Variants in UMAD1 observed in about 807,000 individuals in gnomAD.
UMAD1 encodes UBAP1-MVB12-associated (UMA)-domain containing protein 1.
UMAD1 carries 8 observed loss-of-function variants against 6.1 expected under a neutral mutation model. That is an observed-to-expected ratio of 1.30 (90% CI 0.76 to 2.35). The LOEUF (loss-of-function observed/expected upper bound fraction) is 2.35, where lower values mean the gene tolerates loss of function less well. Among genes scored for constraint, UMAD1 ranks in the 30% most tolerant of loss-of-function variants. UMAD1 has a pLI of 0.00. For missense variants in UMAD1, 130 were observed against 78.4 expected (o/e 1.66, Z -2.49); for synonymous variants, 56 against 31.4 (o/e 1.78, Z -2.61).
intron 2 of UMAD1, among the ~76,000 whole-genome samples, chr7:7,710,435 G>C (rs1780726295): frequency 6.6e-6 from 1 of 152,140 alleles, no homozygotes; most frequent in East Asian, 1.9e-4. Flanking sequence ...TCACTGAAGA[G>C]GATATACATA....
At chr7:7,791,927 C>T (rs775172313) in intron 2 of UMAD1, among the ~76,000 whole-genome samples, 6 of 152,160 alleles carry the variant, frequency 3.9e-5, no homozygotes, top group Non-Finnish European at 5.9e-5. Context: ...TATATTTTAA[C>T]GTAGACTACC....
chr7:7,668,341 T>G (rs1779522111), intron 1 of UMAD1, among the ~76,000 whole-genome samples: 1 of 152,176 alleles, frequency 6.6e-6, no homozygotes, highest in Non-Finnish European at 1.5e-5. Flanking sequence ...TTTTACTGTT[T>G]CAGTTACTTA....
chr7:7,728,362 C>G (rs887843355), intron 2 of UMAD1, among the ~76,000 whole-genome samples: 2 of 152,114 alleles, frequency 1.3e-5, no homozygotes, highest in Admixed American at 6.5e-5. Context: ...AAACCTATCT[C>G]AGGCCGGGCA....
intron 2 of UMAD1, among the ~76,000 whole-genome samples, chr7:7,768,298 C>G (rs1307559906): frequency 2.0e-5 from 3 of 152,108 alleles, no homozygotes; most frequent in Non-Finnish European, 4.4e-5. Context: ...AGAGAACAAG[C>G]ATAATTTTGC....
chr7:7,845,804 G>A (rs1583868121), intron 3 of UMAD1, among the ~76,000 whole-genome samples: 1 of 151,994 alleles, frequency 6.6e-6, no homozygotes, highest in Non-Finnish European at 1.5e-5. Context: ...TTGCACACTT[G>A]TAATACAAAT....
intron 2 of UMAD1, among the ~76,000 whole-genome samples, chr7:7,695,542 T>C (rs945542888): frequency 2.0e-5 from 3 of 152,200 alleles, no homozygotes; most frequent in Non-Finnish European, 2.9e-5. Flanking sequence ...ATGTTTAGTC[T>C]CAGAGCAAGA....
At chr7:7,674,368 T>G (rs186781769) in intron 2 of UMAD1, among the ~76,000 whole-genome samples, 148 of 152,350 alleles carry the variant, frequency 9.7e-4, no homozygotes, top group African/African-American at 3.6e-3. Flanking sequence ...AAGGGATGTT[T>G]CCCTTAGATT....
intron 3 of UMAD1, among the ~76,000 whole-genome samples, chr7:7,816,265 G>A (rs1233852936): frequency 4.6e-5 from 7 of 152,190 alleles, no homozygotes; most frequent in Admixed American, 2.6e-4. Flanking sequence ...GCTTTGCATC[G>A]TGTTGTTTTC....
chr7:7,645,980 G>C (rs1002272147), intron 1 of UMAD1, among the ~76,000 whole-genome samples: 1 of 152,238 alleles, frequency 6.6e-6, no homozygotes, highest in Middle Eastern at 3.4e-3. Flanking sequence ...CTCGGCTGCC[G>C]TGTACTCAAA....
At chr7:7,722,832 G>A (rs1397393833) in intron 2 of UMAD1, among the ~76,000 whole-genome samples, 1 of 152,190 alleles carries the variant, frequency 6.6e-6, no homozygotes, top group East Asian at 1.9e-4. Flanking sequence ...ATGGGACCCT[G>A]CAACTTGGAA....
chr7:7,770,282 A>G (rs1370784830), intron 2 of UMAD1, among the ~76,000 whole-genome samples: 4 of 152,154 alleles, frequency 2.6e-5, no homozygotes, highest in East Asian at 1.9e-4. Flanking sequence ...AAGTGCATCT[A>G]TGAAGCCATC....
rs113226099 is a variant in UMAD1, at chr7:7,852,463, G to A, written c.157-24818G>A. Reference sequence around the variant, plus strand: ...CCTCAGACAACAGTCACAAGTCCAGGCCCCTGGATCTTCTGACAGACCAGC... The same window carrying A: ...CCTCAGACAACAGTCACAAGTCCAGACCCCTGGATCTTCTGACAGACCAGC... On this transcript the variant is annotated intron_variant, in intron 3 of 3. Transcript: ENST00000682710. Among the ~76,000 whole-genome samples, 401 of 152,230 alleles carry A rather than the reference G, an allele frequency of 2.6e-3. 1 individual carries two copies. Among genetic ancestry groups the A allele is most frequent in the African/African-American group, 9.0e-3 (375 of 41,522 alleles).
intron 3 of UMAD1, among the ~76,000 whole-genome samples, chr7:7,849,791 G>C (rs1231632869): frequency 9.0e-6 from 1 of 111,130 alleles, no homozygotes; most frequent in African/African-American, 4.7e-5. Flanking sequence ...TGAAACAGCA[G>C]TGTAGAGAAT....
At chr7:7,859,171 T>C (rs1784071281) in intron 3 of UMAD1, among the ~76,000 whole-genome samples, 1 of 152,238 alleles carries the variant, frequency 6.6e-6, no homozygotes, top group South Asian at 2.1e-4. Context: ...ATAATAATTT[T>C]TCTACATCTG....
At chr7:7,643,204 C>A (rs373660408) in intron 1 of UMAD1, among the ~76,000 whole-genome samples, 1 of 152,052 alleles carries the variant, frequency 6.6e-6, no homozygotes, top group Non-Finnish European at 1.5e-5. Context: ...AATGTAGACC[C>A]GAGGGAGAAA....
chr7:7,822,048 T>C (rs1583851138), intron 3 of UMAD1, among the ~76,000 whole-genome samples: 1 of 152,244 alleles, frequency 6.6e-6, no homozygotes, highest in Non-Finnish European at 1.5e-5. Flanking sequence ...TTGTATGATA[T>C]CAGCCAAAGC....
chr7:7,869,429 A>G (rs1262633326), intron 3 of UMAD1, among the ~76,000 whole-genome samples: 2 of 152,240 alleles, frequency 1.3e-5, no homozygotes, highest in Admixed American at 6.5e-5. Context: ...TTCTAGAAAT[A>G]TGCTTGATAC....
intron 2 of UMAD1, among the ~76,000 whole-genome samples, chr7:7,774,541 G>C (rs1449866630): frequency 6.6e-6 from 1 of 152,208 alleles, no homozygotes; most frequent in African/African-American, 2.4e-5. Context: ...AAAGTGTTGT[G>C]AGGTAGTATA....
chr7:7,771,218 A>G (rs893279471), intron 2 of UMAD1, among the ~76,000 whole-genome samples: 1 of 151,906 alleles, frequency 6.6e-6, no homozygotes, highest in African/African-American at 2.4e-5. Flanking sequence ...CCCAATAACT[A>G]TGTATTACAT....
Sources: allele counts gnomAD v4.1 joint callset (sites outside exome capture counted in the v4.1 genomes callset), GRCh38; gene constraint gnomAD v4.1.1; transcripts MANE v1.5; gene names NCBI Gene and HGNC (gene_info 2026-07-23, HGNC 2026-07-21).